The following CCDC47 variants were observed in gnomAD, a reference collection of about 807,000 sequenced individuals.
The protein encoded by CCDC47 is PAT complex subunit CCDC47.
A neutral mutation model predicts 60.5 loss-of-function variants in CCDC47; 41 were observed. That is an observed-to-expected ratio of 0.68 (90% CI 0.53 to 0.88). CCDC47 has a LOEUF of 0.88. Among genes scored for constraint, CCDC47 ranks in the 40% least tolerant of loss-of-function variants. The pLI is 0.00. For missense variants in CCDC47, 513 were observed against 580.9 expected, an observed-to-expected ratio of 0.88 and a Z score of 1.20; for synonymous variants, 195 against 190.7, an observed-to-expected ratio of 1.02 and a Z score of -0.18.
chr17:63,770,417 A>G (rs1183492785), intron 1 of CCDC47, among the ~76,000 whole-genome samples: 2 of 152,010 alleles, frequency 1.3e-5, no homozygotes, highest in Non-Finnish European at 2.9e-5. Flanking sequence ...CAAGTGGGAG[A>G]AAGGAGGCTG....
At chr17:63,772,403 G>C (rs985501904) in intron 1 of CCDC47, among the ~76,000 whole-genome samples, 1 of 151,744 alleles carries the variant, frequency 6.6e-6, no homozygotes, top group Non-Finnish European at 1.5e-5. Flanking sequence ...ACAGGCGCTC[G>C]CCACCACGCA....
chr17:63,747,053 T>C lies in CCDC47; in HGVS notation c.1372-92A>G, dbSNP rs1021843165. 3.1e-4 allele frequency: 480 copies of C among 1,536,332 alleles called. 1 individual carries two copies. Among genetic ancestry groups the C allele is most frequent in the Admixed American group, 7.7e-4 (37 of 47,968 alleles). On this transcript the variant is annotated intron_variant, in intron 12 of 12. Transcript: ENST00000225726. ...AACATATGTTAAAAAAAAATCCAAA[T>C]TAGAATACTGCCTATAGTATTATTC...
rs780261246 is a variant in CCDC47 at position 63,764,119 on chromosome 17, A to G, written c.444T>C (p.Ala148=). The G allele has an allele frequency of 1.9e-6, 3 of 1,612,684 alleles. No individual in the cohort carries two copies. The highest frequency in any genetic ancestry group is 2.5e-6 in the Non-Finnish European group (3 of 1,179,642). ...LEILMVTGLL[A]YIMNYIIGKN... is the part of the protein sequence containing the mutation. ...TCCCAATGATGTAATTCATGATATA[A>G]GCAAGCAGACCAGTCACCATCAAAA... is the stretch of plus-strand genomic sequence containing the variant. Residue 148 remains alanine (A), a synonymous_variant, in exon 4 of 13, where the codon GCT becomes GCC. Coordinates refer to ENST00000225726, the MANE Select transcript of CCDC47 (RefSeq NM_020198.3).
At chr17:63,769,513 C>T (rs924670992) in intron 1 of CCDC47, among the ~76,000 whole-genome samples, 10 of 149,566 alleles carry the variant, frequency 6.7e-5, no homozygotes, top group African/African-American at 2.5e-4. Flanking sequence ...ACTTGGGAGG[C>T]TGAGGCAGGA....
intron 5 of CCDC47, 115 bp from the exon 6 acceptor site, chr17:63,761,094 A>G: frequency 4.3e-6 from 6 of 1,391,938 alleles, no homozygotes; most frequent in Non-Finnish European, 6.1e-6. Flanking sequence ...CACATTTGCC[A>G]GTTAGTATAA....
At chr17:63,752,144 T>C (rs2144472581) in intron 11 of CCDC47, 37 bp from the exon 12 acceptor site, 1 of 1,604,142 alleles carries the variant, frequency 6.2e-7, no homozygotes. Flanking sequence ...AAGAAATCCA[T>C]TTCTAGTCAA....
intron 4 of CCDC47, chr17:63,762,063 TTAAC>T: frequency 1.0e-6 from 1 of 980,556 alleles, no homozygotes; most frequent in Non-Finnish European, 1.2e-6. Context: ...CTCCTATGAA[TTAAC>T]TTTAACCAAG....
In CCDC47 at chr17:63,752,380, G is replaced by T; in HGVS notation, c.1143C>A (p.Pro381=). The part of the protein sequence containing the change: ...TYPKDMEALL[P]LMNMVIYSID... ...TAGAATAAATCACCATGTTCATCAG[G>T]GGTAGCAGTGCCTCCATATCCTTTG... Residue 381 remains proline (P), a synonymous_variant, in exon 11 of 13, where the codon CCC becomes CCA. Coordinates refer to ENST00000225726, the MANE Select transcript of CCDC47 (RefSeq NM_020198.3). 2 of 1,613,982 alleles carry T rather than the reference G, an allele frequency of 1.2e-6. No individual in the cohort carries two copies. Among genetic ancestry groups the T allele is most frequent in the Non-Finnish European group, 1.7e-6 (2 of 1,179,954 alleles).
intron 9 of CCDC47, chr17:63,753,079 G>T: frequency 2.5e-6 from 1 of 399,662 alleles, no homozygotes; most frequent in Non-Finnish European, 3.4e-6. Flanking sequence ...TGGGGAGCCA[G>T]AAATGAGCCT....
intron 9 of CCDC47, chr17:63,753,583 G>A (rs1188333074): frequency 1.1e-6 from 1 of 939,340 alleles, no homozygotes; most frequent in Non-Finnish European, 1.3e-6. Flanking sequence ...ATGCTCTCCT[G>A]AGACAGGCTG....
chr17:63,754,654 C>T (rs2039191696), intron 8 of CCDC47, 136 bp from the exon 9 acceptor site: 1 of 562,996 alleles, frequency 1.8e-6, no homozygotes, highest in Admixed American at 3.3e-5. Context: ...AGGTGGATTA[C>T]TTGAGGCAAG....
chr17:63,764,258 G>A, intron 3 of CCDC47, 68 bp from the exon 4 acceptor site: 1 of 1,162,322 alleles, frequency 8.6e-7, no homozygotes. Context: ...CTCATGGCAG[G>A]AAGAATGAGA....
chr17:63,764,297 A>G (rs935265551), intron 3 of CCDC47, 107 bp from the exon 4 acceptor site: 2 of 800,526 alleles, frequency 2.5e-6, no homozygotes, highest in Non-Finnish European at 4.0e-6. Flanking sequence ...GATACTTCAG[A>G]TATCTGTCAT....
chr17:63,756,302 G>A lies in CCDC47; in HGVS notation c.886C>T (p.Pro296Ser), dbSNP rs369027114. 10 of 1,614,144 alleles carry A rather than the reference G, an allele frequency of 6.2e-6. No homozygotes were observed. In the Admixed American group the frequency reaches 8.3e-5, roughly 13 times the overall value. ...KPKSGAKYGL[P>S]DSLAILSEMG... ...TCTGACAGGATGGCCAAAGAGTCCG[G>A]CAGTCCATACTTTGCTCCAGACTTA... Residue 296 changes from proline (P) to serine (S), a missense_variant, in exon 8 of 13, where the codon CCG becomes TCG. Physicochemically the swap from Pro to Ser is moderately conservative, Grantham distance 74 (BLOSUM62 -1). Coordinates refer to ENST00000225726, the MANE Select transcript of CCDC47 (RefSeq NM_020198.3).
At position 63,756,313 on chromosome 17, in the gene CCDC47, T is replaced by G. The variant is rs747987791; in HGVS notation, c.875A>C (p.Lys292Thr). The part of the protein sequence containing the change: ...FCSDKPKSGA[K>T]YGLPDSLAIL... Reference sequence around the variant, plus strand: ...GGCCAAAGAGTCCGGCAGTCCATACTTTGCTCCAGACTTAGGTTTATCACT... The same window carrying G: ...GGCCAAAGAGTCCGGCAGTCCATACGTTGCTCCAGACTTAGGTTTATCACT... The change falls in exon 8 of 13, where the codon AAG becomes ACG. Residue 292 changes from lysine to threonine, a missense_variant. Coordinates refer to ENST00000225726, the MANE Select transcript of CCDC47 (RefSeq NM_020198.3). 2.5e-6 allele frequency: 4 copies of G among 1,614,152 alleles called. No individual in the cohort carries two copies. Among genetic ancestry groups the G allele is most frequent in the Non-Finnish European group, 3.4e-6 (4 of 1,180,012 alleles).
chr17:63,757,646 C>G (rs961634535), intron 6 of CCDC47, among the ~76,000 whole-genome samples: 1 of 152,110 alleles, frequency 6.6e-6, no homozygotes, highest in Non-Finnish European at 1.5e-5. Flanking sequence ...CGAATACACT[C>G]AATACTTCAC....
intron 2 of CCDC47, chr17:63,765,622 GAGCCACCGTGCCC>G (rs2039292383): frequency 9.6e-7 from 1 of 1,045,146 alleles, no homozygotes; most frequent in Middle Eastern, 4.3e-4. Flanking sequence ...TTACAGGCAT[GAGCCACCGTGCCC>G]AGCCAATTGC....
At chr17:63,752,822 T>C in intron 9 of CCDC47, 23 bp from the exon 10 acceptor site, 1 of 1,607,134 alleles carries the variant, frequency 6.2e-7, no homozygotes, top group Non-Finnish European at 8.5e-7. Context: ...AAAAGGCAAT[T>C]AAGAAGGAAT....
chr17:63,756,611 GGTTCTGT>G (rs772019944), intron 6 of CCDC47, 41 bp from the exon 7 acceptor site: 2 of 1,406,670 alleles, frequency 1.4e-6, no homozygotes, highest in South Asian at 2.3e-5. Context: ...TCACCTGTTA[GGTTCTGT>G]GATAGGCAGA....
Sources: allele counts gnomAD v4.1 joint callset (sites outside exome capture counted in the v4.1 genomes callset), GRCh38; gene constraint gnomAD v4.1.1; transcripts MANE v1.5; gene names NCBI Gene and HGNC (gene_info 2026-07-23, HGNC 2026-07-21).